The following ATG10 variants were observed in gnomAD, a reference collection of about 807,000 sequenced individuals.
ATG10 encodes autophagy related 10.
A neutral mutation model predicts 32.1 loss-of-function variants in ATG10; 30 were observed. The observed-to-expected ratio is 0.94, with a 90% CI of 0.70 to 1.27. ATG10 has a LOEUF of 1.27. Ranked by LOEUF, ATG10 falls within the 50% of genes most tolerant of loss-of-function variation. The probability of loss-of-function intolerance (pLI) is 0.00; values close to 1 mark genes in which losing one functional copy is unlikely to be tolerated. For missense variants in ATG10, 233 were observed against 262.3 expected, an observed-to-expected ratio of 0.89 and a Z score of 0.77; for synonymous variants, 87 against 91.5, an observed-to-expected ratio of 0.95 and a Z score of 0.28.
intron 5 of ATG10, among the ~76,000 whole-genome samples, chr5:82,235,704 G>A (rs899715085): frequency 6.6e-6 from 1 of 152,126 alleles, no homozygotes; most frequent in Non-Finnish European, 1.5e-5. Context: ...CTCCTGTCAG[G>A]CATTTTTTTA....
At chr5:82,062,266 G>A (rs765154519) in intron 3 of ATG10, among the ~76,000 whole-genome samples, 3 of 151,948 alleles carry the variant, frequency 2.0e-5, no homozygotes, top group Non-Finnish European at 2.9e-5. Context: ...GAGTTGTCAC[G>A]GGAATGGAAT....
chr5:82,022,645 T>C (rs1438042560), intron 2 of ATG10, among the ~76,000 whole-genome samples: 4 of 151,528 alleles, frequency 2.6e-5, no homozygotes, highest in African/African-American at 9.7e-5. Context: ...TTTTTTTTTT[T>C]TTAAAGAGGA....
In ATG10 at chr5:82,175,616, G is replaced by A. The variant is rs144544811; in HGVS notation, c.356-2874G>A. On this transcript the variant is annotated intron_variant, in intron 4 of 7. Coordinates refer to ENST00000282185, the MANE Select transcript of ATG10 (RefSeq NM_031482.5). Reference sequence around the variant, plus strand: ...TTTTTAGTCATTGGCTTTAAGTGACGAATGTTAGTGATATGCATGTAGTGC... The same window carrying A: ...TTTTTAGTCATTGGCTTTAAGTGACAAATGTTAGTGATATGCATGTAGTGC... Among the ~76,000 whole-genome samples the A allele has an allele frequency of 9.1e-3, 1,384 of 152,172 alleles. 22 individuals carry two copies. Among genetic ancestry groups the A allele is most frequent in the African/African-American group, 0.032 (1,318 of 41,484 alleles).
At chr5:81,993,359 CCTTCT>C (rs760096894) in intron 2 of ATG10, among the ~76,000 whole-genome samples, 3,700 of 55,086 alleles carry the variant, frequency 0.067, 532 homozygotes, top group African/African-American at 0.2. Flanking sequence ...TTCTTTCTTT[CCTTCT>C]TTTCTTTTCT....
At chr5:82,099,990 C>G (rs367792680) in intron 3 of ATG10, among the ~76,000 whole-genome samples, 2 of 88,884 alleles carry the variant, frequency 2.3e-5, no homozygotes, top group African/African-American at 8.9e-5. Flanking sequence ...TTCTTTCTTT[C>G]TTTTTCTGTG....
intron 4 of ATG10, among the ~76,000 whole-genome samples, chr5:82,176,367 G>A (rs765042334): frequency 2.1e-4 from 32 of 152,108 alleles, no homozygotes; most frequent in Non-Finnish European, 4.7e-4. Flanking sequence ...TACATATTTC[G>A]TAAGACCTTG....
intron 2 of ATG10, among the ~76,000 whole-genome samples, chr5:82,011,341 AC>A (rs889438094): frequency 1.2e-4 from 18 of 152,092 alleles, no homozygotes; most frequent in African/African-American, 4.3e-4. Context: ...AAGTTGGCTT[AC>A]CTCTGCCCTC....
intron 2 of ATG10, among the ~76,000 whole-genome samples, chr5:81,996,303 T>C (rs1422380929): frequency 2.0e-5 from 3 of 152,202 alleles, no homozygotes; most frequent in Non-Finnish European, 4.4e-5. Context: ...AGTGGAGTGA[T>C]CATGGCTCAC....
chr5:82,033,729 A>AACAC (rs59922803), intron 2 of ATG10, among the ~76,000 whole-genome samples: 125 of 146,320 alleles, frequency 8.5e-4, no homozygotes, highest in East Asian at 2.4e-3. Context: ...ATACTATACA[A>AACAC]ACACACACAC....
At chr5:82,205,809 A>G (rs796842381) in intron 5 of ATG10, among the ~76,000 whole-genome samples, 17 of 152,338 alleles carry the variant, frequency 1.1e-4, no homozygotes, top group African/African-American at 3.8e-4. Flanking sequence ...TAAGCAGTGC[A>G]ACTTTGATGC....
intron 3 of ATG10, among the ~76,000 whole-genome samples, chr5:82,101,472 A>G (rs189079315): frequency 6.6e-6 from 1 of 152,290 alleles, no homozygotes; most frequent in African/African-American, 2.4e-5. Flanking sequence ...AAGGCTGGAA[A>G]TGTAGTTTTC....
At chr5:82,121,260 G>A (rs955987871) in intron 3 of ATG10, among the ~76,000 whole-genome samples, 5 of 152,148 alleles carry the variant, frequency 3.3e-5, no homozygotes, top group Non-Finnish European at 7.4e-5. Flanking sequence ...GGACATAAAT[G>A]CCCTCTTCAC....
chr5:82,084,688 A>G (rs896645515), intron 3 of ATG10, among the ~76,000 whole-genome samples: 1 of 152,204 alleles, frequency 6.6e-6, no homozygotes, highest in Non-Finnish European at 1.5e-5. Flanking sequence ...CAACATTCTT[A>G]AAGAAAAGAA....
At chr5:82,218,519 G>A (rs1745788361) in intron 5 of ATG10, among the ~76,000 whole-genome samples, 1 of 152,094 alleles carries the variant, frequency 6.6e-6, no homozygotes, top group African/African-American at 2.4e-5. Flanking sequence ...TCATCACTGG[G>A]ATATGTCATT....
chr5:81,984,921 C>T (rs531550410), intron 1 of ATG10, among the ~76,000 whole-genome samples: 3 of 152,214 alleles, frequency 2.0e-5, no homozygotes, highest in Admixed American at 1.3e-4. Flanking sequence ...ACCATACTTC[C>T]TAATTTTGTA....
chr5:82,194,677 G>A (rs1744785857), intron 5 of ATG10, among the ~76,000 whole-genome samples: 1 of 152,138 alleles, frequency 6.6e-6, no homozygotes, highest in Non-Finnish European at 1.5e-5. Flanking sequence ...CTTGGATATT[G>A]GATAGTATGG....
At chr5:82,163,486 G>C (rs1259910565) in intron 3 of ATG10, among the ~76,000 whole-genome samples, 2 of 152,128 alleles carry the variant, frequency 1.3e-5, no homozygotes, top group Admixed American at 6.5e-5. Context: ...TCTTTCCTTA[G>C]TTATTTCTGA....
chr5:82,241,636 G>A (rs1380510243), intron 5 of ATG10, among the ~76,000 whole-genome samples: 1 of 151,968 alleles, frequency 6.6e-6, no homozygotes, highest in Non-Finnish European at 1.5e-5. Flanking sequence ...TGTTCTCAAG[G>A]TGGAAATACT....
intron 5 of ATG10, among the ~76,000 whole-genome samples, chr5:82,236,663 G>A (rs1309394065): frequency 1.3e-5 from 2 of 152,202 alleles, no homozygotes; most frequent in Admixed American, 1.3e-4. Context: ...GGTGGTGTCT[G>A]TGTAGTATAT....
Sources: allele counts gnomAD v4.1 joint callset (sites outside exome capture counted in the v4.1 genomes callset), GRCh38; gene constraint gnomAD v4.1.1; transcripts MANE v1.5; gene names NCBI Gene and HGNC (gene_info 2026-07-23, HGNC 2026-07-21).